Variants in SRBD1 observed in about 807,000 individuals in gnomAD.
SRBD1 encodes S1 RNA-binding domain-containing protein 1.
SRBD1 carries 88 observed loss-of-function variants against 115.3 expected under a neutral mutation model. The ratio of observed to expected loss-of-function variants is 0.76; its 90% CI spans 0.64 to 0.91. The LOEUF (loss-of-function observed/expected upper bound fraction) is 0.91, where lower values mean the gene tolerates loss of function less well. Among genes scored for constraint, SRBD1 ranks in the 40% least tolerant of loss-of-function variants. The pLI, the probability that SRBD1 is intolerant of heterozygous loss-of-function variation, is 0.00. For missense variants in SRBD1, 1,385 were observed against 1,177.4 expected, an observed-to-expected ratio of 1.18 and a Z score of -2.58; for synonymous variants, 509 against 407.7, an observed-to-expected ratio of 1.25 and a Z score of -2.99.
chr2:45,601,032 T>C (rs974895291), intron 3 of SRBD1, among the ~76,000 whole-genome samples: 3 of 152,100 alleles, frequency 2.0e-5, no homozygotes, highest in Admixed American at 1.3e-4. Context: ...GACATAAAGA[T>C]AAAATAACTC....
Position 45,393,010 on chromosome 2 carries a change from G to A in SRBD1, c.2633C>T (p.Thr878Ile), listed in dbSNP as rs1667047020. 3.1e-6 allele frequency: 5 copies of A among 1,614,056 alleles called. No individual in the cohort carries two copies. Among genetic ancestry groups the A allele is most frequent in the African/African-American group, 1.3e-5 (1 of 75,044 alleles). The change falls in exon 20 of 21, where the codon ACA becomes ATA. Residue 878 changes from threonine (T) to isoleucine (I), a missense_variant. Coordinates refer to ENST00000263736, the MANE Select transcript of SRBD1 (RefSeq NM_018079.5). ...TATGATGACCTGTAAGGTGTGTACT[G>A]TTGTTTGCAATCTTTCTGCAATTTT... ...MEKIAERLQTTVHTLQVIIDG... is the reference protein window; with the variant it reads ...MEKIAERLQTIVHTLQVIIDG...
intron 16 of SRBD1, among the ~76,000 whole-genome samples, chr2:45,442,983 T>A (rs1668716184): frequency 6.6e-6 from 1 of 152,104 alleles, no homozygotes; most frequent in Non-Finnish European, 1.5e-5. Flanking sequence ...GTGCTGAAAT[T>A]GAAAGGAGGG....
At chr2:45,540,581 T>G (rs1021002623) in intron 14 of SRBD1, among the ~76,000 whole-genome samples, 4 of 151,764 alleles carry the variant, frequency 2.6e-5, no homozygotes, top group African/African-American at 9.7e-5. Context: ...TAAAAAAAAG[T>G]GAAAAGTCAC....
chr2:45,507,729 C>T (rs370352251), intron 14 of SRBD1, among the ~76,000 whole-genome samples: 2 of 151,610 alleles, frequency 1.3e-5, no homozygotes, highest in South Asian at 4.2e-4. Context: ...TCAAAAAAAA[C>T]AAAAAACAAA....
intron 16 of SRBD1, among the ~76,000 whole-genome samples, chr2:45,430,208 T>C (rs1279370500): frequency 6.6e-6 from 1 of 152,174 alleles, no homozygotes; most frequent in Non-Finnish European, 1.5e-5. Flanking sequence ...AAAATGGCCA[T>C]ACTGCCCTAA....
intron 14 of SRBD1, among the ~76,000 whole-genome samples, chr2:45,520,907 C>T (rs1174913955): frequency 6.6e-6 from 1 of 152,216 alleles, no homozygotes; most frequent in Non-Finnish European, 1.5e-5. Context: ...GGATGTTGGA[C>T]AACAGCTTGG....
intron 16 of SRBD1, among the ~76,000 whole-genome samples, chr2:45,425,376 G>C (rs542742171): frequency 4.6e-5 from 7 of 152,134 alleles, no homozygotes; most frequent in African/African-American, 1.4e-4. Flanking sequence ...TTTTTTCTAA[G>C]GAAATAGCAA....
intron 16 of SRBD1, among the ~76,000 whole-genome samples, chr2:45,450,619 T>C (rs1558403440): frequency 6.6e-6 from 1 of 152,158 alleles, no homozygotes; most frequent in Non-Finnish European, 1.5e-5. Flanking sequence ...AACAAGAGAA[T>C]GACTATATAC....
At chr2:45,426,961 C>A (rs1668172876) in intron 16 of SRBD1, among the ~76,000 whole-genome samples, 1 of 152,178 alleles carries the variant, frequency 6.6e-6, no homozygotes, top group Non-Finnish European at 1.5e-5. Context: ...GATCACAACT[C>A]CTCGCCAGCA....
chr2:45,436,541 G>T (rs1668504799), intron 16 of SRBD1, among the ~76,000 whole-genome samples: 1 of 152,206 alleles, frequency 6.6e-6, no homozygotes, highest in Non-Finnish European at 1.5e-5. Flanking sequence ...CCACATGGCT[G>T]GGGAGGCCTC....
chr2:45,569,361 AT>A (rs1402208130), intron 9 of SRBD1: 2 of 152,228 alleles, frequency 1.3e-5, no homozygotes, highest in Admixed American at 1.3e-4. Flanking sequence ...GGGTCACCAT[AT>A]TGATACTAAA....
chr2:45,442,938 C>T (rs1668714970), intron 16 of SRBD1, among the ~76,000 whole-genome samples: 1 of 152,076 alleles, frequency 6.6e-6, no homozygotes, highest in Non-Finnish European at 1.5e-5. Context: ...TAAATATCTA[C>T]TGTTTTGAAT....
rs187887026 is a variant in SRBD1 at position 45,592,009 on chromosome 2, T to C, written c.649-6235A>G. 1.4e-4 allele frequency among the ~76,000 whole-genome samples: 21 copies of C among 152,268 alleles called. 1 individual carries two copies. Among genetic ancestry groups the C allele is most frequent in the Middle Eastern group, 3.4e-3 (1 of 294 alleles). On this transcript the variant is annotated intron_variant, in intron 4 of 20. Transcript: ENST00000263736. ...GTAGGAGGGACCCAGGGGGAGGTAATTGAATCATGGGGGCCAGTCTCTCCT... is the reference window on the plus strand; with the variant it reads ...GTAGGAGGGACCCAGGGGGAGGTAACTGAATCATGGGGGCCAGTCTCTCCT...
At chr2:45,545,312 A>C (rs1035341660) in intron 14 of SRBD1, among the ~76,000 whole-genome samples, 10 of 145,340 alleles carry the variant, frequency 6.9e-5, no homozygotes, top group African/African-American at 2.3e-4. Flanking sequence ...AAAAAAAAAA[A>C]AAACAGATGA....
At chr2:45,596,952 C>CA (rs767418953) in intron 4 of SRBD1, among the ~76,000 whole-genome samples, 6 of 90,552 alleles carry the variant, frequency 6.6e-5, no homozygotes, top group African/African-American at 2.3e-4. Flanking sequence ...ACACACACAC[C>CA]CACAACCCTA....
At chr2:45,496,186 T>G (rs1194667698) in intron 14 of SRBD1, among the ~76,000 whole-genome samples, 1 of 152,230 alleles carries the variant, frequency 6.6e-6, no homozygotes, top group East Asian at 1.9e-4. Flanking sequence ...TGTTTTGTTT[T>G]TATTTTTAGC....
chr2:45,544,620 C>G (rs974195644), intron 14 of SRBD1, among the ~76,000 whole-genome samples: 8 of 152,106 alleles, frequency 5.3e-5, no homozygotes, highest in Non-Finnish European at 8.8e-5. Context: ...TACACAAGTA[C>G]GATAGACATT....
At chr2:45,487,838 G>A (rs981334901) in intron 15 of SRBD1, among the ~76,000 whole-genome samples, 1 of 151,980 alleles carries the variant, frequency 6.6e-6, no homozygotes, top group Non-Finnish European at 1.5e-5. Flanking sequence ...ATTTTTAGTA[G>A]AGACGGAGTT....
rs1208196039 is a variant in SRBD1, at chr2:45,611,225, G to A, written c.-7C>T. The stretch of plus-strand genomic sequence containing the variant: ...AGGCGCACGCACAGCTCACCTTCCC[G>A]CCCGGCACGTCAGAAGACCCGAGAT... On this transcript the variant is annotated 5_prime_UTR_variant, in exon 1 of 21. Transcript: ENST00000263736. 1 of 151,786 alleles carries A rather than the reference G, an allele frequency of 6.6e-6. No individual in the cohort carries two copies. Among genetic ancestry groups the A allele is most frequent in the South Asian group, 2.1e-4 (1 of 4,828 alleles). The allele number at this position is 151,786 out of a possible 1,614,324, so 9.4% of individuals were successfully genotyped here. A position where few individuals can be genotyped will look rare whatever the true frequency, so the allele number is the denominator to read the frequency against.
Sources: gnomAD v4.1 joint callset for allele counts (sites outside exome capture counted in the v4.1 genomes callset) on GRCh38, gnomAD v4.1.1 for gene constraint, MANE v1.5 for transcripts, NCBI Gene and HGNC (gene_info 2026-07-23, HGNC 2026-07-21) for gene names.